The following LARGE1 variants were observed in gnomAD, a reference collection of about 807,000 sequenced individuals.
LARGE1 encodes the protein xylosyl- and glucuronyltransferase LARGE1.
A neutral mutation model predicts 87.6 loss-of-function variants in LARGE1; 43 were observed. The observed-to-expected ratio is 0.49, with a 90% confidence interval of 0.38 to 0.63. The LOEUF (loss-of-function observed/expected upper bound fraction) is 0.63, where lower values mean the gene tolerates loss of function less well. Ranked by LOEUF, LARGE1 falls within the 30% of genes least tolerant of loss-of-function variation. The pLI, the probability that LARGE1 is intolerant of heterozygous loss-of-function variation, is 0.00. For missense variants in LARGE1, 802 were observed against 1,000.2 expected, an observed-to-expected ratio of 0.80 and a Z score of 2.67; for synonymous variants, 434 against 394.6, an observed-to-expected ratio of 1.10 and a Z score of -1.18.
chr22:33,616,818 G>C (rs1023628651), intron 4 of LARGE1, among the ~76,000 whole-genome samples: 1 of 152,174 alleles, frequency 6.6e-6, no homozygotes, highest in Admixed American at 6.5e-5. Flanking sequence ...GGGAAGAGGA[G>C]GAAATGAGTA....
At chr22:33,131,033 C>CA in the LARGE1 span, among the ~76,000 whole-genome samples, 2,087 of 70,828 alleles carry the variant, frequency 0.029, 241 homozygotes, top group African/African-American at 0.066. Context: ...GACTCCGTCT[C>CA]AAAAAAAAAA....
the LARGE1 span, among the ~76,000 whole-genome samples, chr22:33,068,195 G>C: frequency 1.3e-5 from 2 of 152,108 alleles, no homozygotes; most frequent in Non-Finnish European, 2.9e-5. Context: ...TGTGATTTTT[G>C]TGATTGGGTC....
At chr22:33,217,104 C>G (rs75332316) in intron 11 of LARGE1, among the ~76,000 whole-genome samples, 278 of 152,250 alleles carry the variant, frequency 1.8e-3, no homozygotes, top group African/African-American at 6.4e-3. Context: ...CAAGACTTTT[C>G]TATGCAAATG....
intron 5 of LARGE1, among the ~76,000 whole-genome samples, chr22:33,569,597 CA>C (rs1405129651): frequency 6.6e-6 from 1 of 152,170 alleles, no homozygotes; most frequent in Non-Finnish European, 1.5e-5. Flanking sequence ...ACATTTATTA[CA>C]AATAGCTCAC....
At chr22:33,878,892 G>A (rs989481863) in intron 1 of LARGE1, among the ~76,000 whole-genome samples, 10 of 152,138 alleles carry the variant, frequency 6.6e-5, no homozygotes, top group Non-Finnish European at 1.3e-4. Context: ...TGTTTGCAGA[G>A]ATATCATCAG....
intron 1 of LARGE1, among the ~76,000 whole-genome samples, chr22:33,785,837 C>T (rs572520543): frequency 2.0e-5 from 3 of 152,088 alleles, no homozygotes; most frequent in African/African-American, 7.2e-5. Flanking sequence ...TCCAAGCTGT[C>T]AAGAGAGAAA....
At chr22:33,550,555 A>G (rs1376286914) in intron 6 of LARGE1, among the ~76,000 whole-genome samples, 1 of 152,228 alleles carries the variant, frequency 6.6e-6, no homozygotes, top group Admixed American at 6.5e-5. Flanking sequence ...ACAAAAAATA[A>G]CAGACATTAG....
chr22:33,631,619 C>T (rs574622690), intron 3 of LARGE1, among the ~76,000 whole-genome samples: 6 of 152,156 alleles, frequency 3.9e-5, no homozygotes, highest in African/African-American at 9.6e-5. Flanking sequence ...TCATCTCCTG[C>T]GACAGCAAGG....
intron 5 of LARGE1, among the ~76,000 whole-genome samples, chr22:33,589,359 T>A (rs916821078): frequency 1.3e-5 from 2 of 152,208 alleles, no homozygotes; most frequent in Admixed American, 6.5e-5. Context: ...GGCTATTGAT[T>A]TTGATTACCA....
rs761004017 is a variant in LARGE1, at chr22:33,650,536, C to T, written c.239G>A (p.Arg80His). Residue 80 changes from arginine to histidine, a missense_variant, in exon 3 of 15, where the codon CGC becomes CAC. Coordinates refer to ENST00000397394, the MANE Select transcript of LARGE1 (RefSeq NM_133642.5). ...REVEEENRAL[R>H]RQLSLAQGRA... ...GCCCTGGGCCAGGCTGAGCTGCCTG[C>T]GGAGGGCGCGGTTCTCCTCCTCCAC... The T allele has an allele frequency of 1.9e-6, 3 of 1,610,592 alleles. No homozygotes were observed. The highest frequency in any genetic ancestry group is 2.7e-5 in the African/African-American group (2 of 74,928).
At chr22:33,163,637 G>A (rs751306285) in exon 12 of LARGE1, 2 of 152,204 alleles carry the variant, frequency 1.3e-5, no homozygotes, top group African/African-American at 4.8e-5. Context: ...TACAGTGTAC[G>A]GTTTTATCAC....
chr22:33,595,254 T>C (rs2078946978), intron 5 of LARGE1, among the ~76,000 whole-genome samples: 1 of 152,006 alleles, frequency 6.6e-6, no homozygotes, highest in Admixed American at 6.6e-5. Context: ...TCCTTATCAG[T>C]TAAATGAAGT....
At chr22:33,739,162 G>C (rs1404269126) in intron 2 of LARGE1, among the ~76,000 whole-genome samples, 1 of 152,046 alleles carries the variant, frequency 6.6e-6, no homozygotes, top group Non-Finnish European at 1.5e-5. Flanking sequence ...GTCCTTTACC[G>C]TGCCAGCCCT....
chr22:33,659,820 G>A (rs2081068389), intron 2 of LARGE1, among the ~76,000 whole-genome samples: 1 of 150,802 alleles, frequency 6.6e-6, no homozygotes, highest in African/African-American at 2.4e-5. Context: ...CAGGGAAAGA[G>A]GCCTGGATTC....
chr22:33,780,666 C>G (rs1333671803), intron 1 of LARGE1, among the ~76,000 whole-genome samples: 1 of 152,228 alleles, frequency 6.6e-6, no homozygotes, highest in Middle Eastern at 3.2e-3. Context: ...ACATCTAACA[C>G]ACAACATCTG....
intron 6 of LARGE1, among the ~76,000 whole-genome samples, chr22:33,552,834 T>G (rs189047133): frequency 6.6e-6 from 1 of 152,324 alleles, no homozygotes; most frequent in Non-Finnish European, 1.5e-5. Context: ...AGAACTGAGA[T>G]AATATGACAA....
chr22:33,220,486 A>T (rs1190029115), intron 11 of LARGE1, among the ~76,000 whole-genome samples: 2 of 152,158 alleles, frequency 1.3e-5, no homozygotes, highest in Non-Finnish European at 2.9e-5. Context: ...AGACAGATAA[A>T]AGAACAGGGT....
intron 1 of LARGE1, among the ~76,000 whole-genome samples, chr22:33,914,946 T>G (rs1264444588): frequency 6.6e-6 from 1 of 151,596 alleles, no homozygotes. Flanking sequence ...GGGGCTTGAT[T>G]AAAGCATCCT....
intron 5 of LARGE1, among the ~76,000 whole-genome samples, chr22:33,603,304 T>C (rs139221095): frequency 3.3e-5 from 5 of 152,182 alleles, no homozygotes; most frequent in African/African-American, 9.6e-5. Context: ...AGGTGTTGAG[T>C]CCTTCCCAAG....
Sources: gnomAD v4.1 joint callset for allele counts (sites outside exome capture counted in the v4.1 genomes callset) on GRCh38, gnomAD v4.1.1 for gene constraint, MANE v1.5 for transcripts, NCBI Gene and HGNC (gene_info 2026-07-23, HGNC 2026-07-21) for gene names.